ADAMTS3: variants seen among roughly 807,000 people sequenced by gnomAD.
ADAMTS3 encodes A disintegrin and metalloproteinase with thrombospondin motifs 3.
A neutral mutation model predicts 129.0 loss-of-function variants in ADAMTS3; 73 were observed. The observed-to-expected ratio is 0.57, with a 90% CI of 0.47 to 0.69. The LOEUF is 0.69. ADAMTS3 is among the 30% of genes least tolerant of loss of function. The pLI is 0.00. For synonymous variants in ADAMTS3, 477 were observed against 510.8 expected (o/e 0.93, Z 0.89); for missense variants, 1,457 against 1,514.5 (o/e 0.96, Z 0.63).
At position 72,409,598 on chromosome 4, in the gene ADAMTS3, A is replaced by C. The variant is rs1206792122; in HGVS notation, c.661+5217T>G. Among the ~76,000 whole-genome samples the C allele has an allele frequency of 5.3e-5, 8 of 152,180 alleles. No individual in the cohort carries two copies. In the East Asian group the frequency reaches 1.5e-3, roughly 29 times the overall value. The stretch of plus-strand genomic sequence containing the variant: ...TATAGAGTTACATTTGTAACACTTT[A>C]ATCCTGGTCTATCTATCTCCTAAAT... On this transcript the variant is annotated intron_variant, in intron 4 of 21. Transcript: ENST00000286657.
In ADAMTS3 at chr4:72,320,779, T is replaced by A. The variant is rs1282016242; in HGVS notation, c.1037A>T (p.His346Leu). The A allele has an allele frequency of 3.7e-6, 6 of 1,613,876 alleles. No homozygotes were observed. The highest frequency in any genetic ancestry group is 5.1e-6 in the Non-Finnish European group (6 of 1,179,894). ...AATTGCATGGTCATGGTGTTCAGAGTGGTTGAGATCAGATCTTTGCTGTTG... is the reference window on the plus strand; with the variant it reads ...AATTGCATGGTCATGGTGTTCAGAGAGGTTGAGATCAGATCTTTGCTGTTG... ...ASQQQRSDLN[H>L]SEHHDHAIFL... is the part of the protein sequence containing the mutation. The change falls in exon 7 of 22, where the codon CAC becomes CTC. Residue 346 changes from histidine (H) to leucine (L), a missense_variant. Physicochemically the swap from His to Leu is moderately conservative, Grantham distance 99. Coordinates refer to ENST00000286657, the MANE Select transcript of ADAMTS3 (RefSeq NM_014243.3).
intron 2 of ADAMTS3, among the ~76,000 whole-genome samples, chr4:72,551,030 G>C (rs1578789297): frequency 1.3e-5 from 2 of 152,220 alleles, no homozygotes; most frequent in South Asian, 4.2e-4. Context: ...CCTTGTCTAA[G>C]CTGCTACACA....
At chr4:72,285,295 T>A (rs1718475200) in intron 21 of ADAMTS3, among the ~76,000 whole-genome samples, 1 of 152,238 alleles carries the variant, frequency 6.6e-6, no homozygotes, top group African/African-American at 2.4e-5. Context: ...GAATACTTCA[T>A]ATAAGCTAGG....
In ADAMTS3 at chr4:72,508,726, G is replaced by A. The variant is rs572497790; in HGVS notation, c.504+39752C>T. On this transcript the variant is annotated intron_variant, in intron 3 of 21. Coordinates refer to ENST00000286657, the MANE Select transcript of ADAMTS3 (RefSeq NM_014243.3). ...TTTGAGTTAACAAAAAATACGTACT[G>A]TATAATTTTTTTACCAAGTTAAATA... Among the ~76,000 whole-genome samples, 11 of 151,830 alleles carry A rather than the reference G, an allele frequency of 7.2e-5. 1 individual carries two copies. In the South Asian group the frequency reaches 1.5e-3, roughly 20 times the overall value.
chr4:72,445,502 C>A (rs2109964500), intron 3 of ADAMTS3, among the ~76,000 whole-genome samples: 1 of 151,704 alleles, frequency 6.6e-6, no homozygotes, highest in South Asian at 2.1e-4. Flanking sequence ...AAAAACAGTT[C>A]TGTAAGAGTA....
chr4:72,309,614 C>T (rs928281875), intron 14 of ADAMTS3, 94 bp from the exon 15 acceptor site: 1 of 1,364,358 alleles, frequency 7.3e-7, no homozygotes, highest in Non-Finnish European at 9.9e-7. Context: ...CAGTCATGGC[C>T]CACAGTCAGC....
In ADAMTS3 at chr4:72,520,006, A is replaced by T. The variant is rs1720616809; in HGVS notation, c.504+28472T>A. Among the ~76,000 whole-genome samples, 4 of 152,132 alleles carry T rather than the reference A, an allele frequency of 2.6e-5. No homozygotes were observed. The South Asian group carries it at 8.3e-4, about 32-fold the overall frequency. On this transcript the variant is annotated intron_variant, in intron 3 of 21. Coordinates refer to ENST00000286657, the MANE Select transcript of ADAMTS3 (RefSeq NM_014243.3). ...GGTCTTTGATGATGGTGATGTACAG[A>T]TGGGTTTTTGGTGTGGATGTCCTTT...
rs141107581 is a variant in ADAMTS3 at position 72,390,552 on chromosome 4, C to T, written c.661+24263G>A. Among the ~76,000 whole-genome samples, 367 of 152,204 alleles carry T rather than the reference C, an allele frequency of 2.4e-3. 1 individual carries two copies. The highest frequency in any genetic ancestry group is 8.9e-3 in the East Asian group (46 of 5,180). ...ATTTTGACACTTCATTTCCTATTAT[C>T]TCATACTTTATGAAAACATAATATT... is the stretch of plus-strand genomic sequence containing the variant. On this transcript the variant is annotated intron_variant, in intron 4 of 21. Transcript: ENST00000286657.
At chr4:72,463,050 T>C (rs1251248621) in intron 3 of ADAMTS3, among the ~76,000 whole-genome samples, 1 of 151,994 alleles carries the variant, frequency 6.6e-6, no homozygotes, top group Non-Finnish European at 1.5e-5. Flanking sequence ...GTGATCTATA[T>C]AGGTGTACCA....
chr4:72,535,339 C>T (rs2109770276), intron 3 of ADAMTS3, among the ~76,000 whole-genome samples: 1 of 152,288 alleles, frequency 6.6e-6, no homozygotes, highest in African/African-American at 2.4e-5. Context: ...TTTGTAAATT[C>T]TCTCATTAAC....
chr4:72,477,743 G>A (rs1466432695), intron 3 of ADAMTS3, among the ~76,000 whole-genome samples: 3 of 151,976 alleles, frequency 2.0e-5, no homozygotes, highest in African/African-American at 4.8e-5. Flanking sequence ...AAAAATCAAT[G>A]AATCCAGGAG....
intron 4 of ADAMTS3, among the ~76,000 whole-genome samples, chr4:72,403,868 G>C (rs1223324957): frequency 6.6e-6 from 1 of 151,884 alleles, no homozygotes; most frequent in Non-Finnish European, 1.5e-5. Flanking sequence ...GAATAATTTT[G>C]GAAAATATTT....
intron 4 of ADAMTS3, among the ~76,000 whole-genome samples, chr4:72,373,699 G>A (rs1721068815): frequency 6.6e-6 from 1 of 151,986 alleles, no homozygotes; most frequent in South Asian, 2.1e-4. Flanking sequence ...AGATGTTTGA[G>A]ACCAGCCTGG....
intron 3 of ADAMTS3, among the ~76,000 whole-genome samples, chr4:72,497,351 A>G (rs2110020198): frequency 6.6e-6 from 1 of 152,028 alleles, no homozygotes; most frequent in Non-Finnish European, 1.5e-5. Context: ...TAGAATTAGC[A>G]CATTATTTTC....
chr4:72,352,824 A>G (rs1708916997), intron 4 of ADAMTS3, among the ~76,000 whole-genome samples: 1 of 152,150 alleles, frequency 6.6e-6, no homozygotes. Flanking sequence ...ACTGAAAAGT[A>G]TTGAAATGTT....
At chr4:72,327,769 T>A (rs1032428175) in intron 5 of ADAMTS3, among the ~76,000 whole-genome samples, 1 of 152,208 alleles carries the variant, frequency 6.6e-6, no homozygotes, top group African/African-American at 2.4e-5. Context: ...CCTTTGAGTT[T>A]AAGAATATAG....
At chr4:72,481,584 CA>C (rs1346532048) in intron 3 of ADAMTS3, among the ~76,000 whole-genome samples, 1 of 151,984 alleles carries the variant, frequency 6.6e-6, no homozygotes, top group Non-Finnish European at 1.5e-5. Flanking sequence ...GTCATAAAAT[CA>C]TAAGACTTTT....
At chr4:72,411,744 C>T (rs1722189633) in intron 4 of ADAMTS3, among the ~76,000 whole-genome samples, 2 of 152,074 alleles carry the variant, frequency 1.3e-5, no homozygotes, top group African/African-American at 2.4e-5. Context: ...TTTATCAAGC[C>T]TATTTCTGTT....
At chr4:72,560,682 T>C (rs370864321) in intron 2 of ADAMTS3, among the ~76,000 whole-genome samples, 2 of 151,858 alleles carry the variant, frequency 1.3e-5, no homozygotes, top group African/African-American at 4.8e-5. Context: ...CTGGGGCCCA[T>C]TGAGGGGTGG....
Sources: allele counts gnomAD v4.1 joint callset (sites outside exome capture counted in the v4.1 genomes callset), GRCh38; gene constraint gnomAD v4.1.1; transcripts MANE v1.5; gene names NCBI Gene and HGNC (gene_info 2026-07-23, HGNC 2026-07-21).